PLCH1: variants seen among roughly 807,000 people sequenced by gnomAD.
The protein encoded by PLCH1 is phospholipase C eta 1.
Under a neutral mutation model 126.7 loss-of-function variants are expected in PLCH1, and 60 were observed. That is an observed-to-expected ratio of 0.47 (90% CI 0.38 to 0.59). The LOEUF is 0.59. Among genes scored for constraint, PLCH1 ranks in the 20% least tolerant of loss-of-function variants. PLCH1 has a pLI of 0.00. For missense variants in PLCH1, 1,723 were observed against 2,040.0 expected, an observed-to-expected ratio of 0.84 and a Z score of 2.99; for synonymous variants, 719 against 734.9, an observed-to-expected ratio of 0.98 and a Z score of 0.35.
intron 21 of PLCH1, among the ~76,000 whole-genome samples, chr3:155,461,666 T>G (rs1450009026): frequency 6.6e-6 from 1 of 152,160 alleles, no homozygotes; most frequent in Admixed American, 6.5e-5. Flanking sequence ...TTGAGTCAAT[T>G]CAAAGAGAGT....
intron 2 of PLCH1, among the ~76,000 whole-genome samples, chr3:155,685,288 C>A (rs1744851401): frequency 6.6e-6 from 1 of 152,184 alleles, no homozygotes; most frequent in Non-Finnish European, 1.5e-5. Context: ...TGGCATGTAG[C>A]CTTTTCTCTA....
At chr3:155,544,466 T>C (rs1432964186) in intron 10 of PLCH1, among the ~76,000 whole-genome samples, 2 of 152,134 alleles carry the variant, frequency 1.3e-5, no homozygotes, top group African/African-American at 4.8e-5. Context: ...CTGTCAACAT[T>C]AGACAGATCA....
intron 17 of PLCH1, 151 bp from the exon 18 acceptor site, chr3:155,493,004 T>G: frequency 1.5e-6 from 1 of 668,306 alleles, no homozygotes; most frequent in Non-Finnish European, 2.2e-6. Context: ...TGGTTTTCAT[T>G]AGAAACCATG....
At chr3:155,454,973 G>C (rs145457609) in intron 21 of PLCH1, among the ~76,000 whole-genome samples, 1 of 152,282 alleles carries the variant, frequency 6.6e-6, no homozygotes, top group Non-Finnish European at 1.5e-5. Flanking sequence ...CAAGCACTTT[G>C]GCAAAGAGGT....
intron 10 of PLCH1, among the ~76,000 whole-genome samples, chr3:155,541,534 G>T (rs956767590): frequency 5.9e-5 from 9 of 152,096 alleles, no homozygotes; most frequent in African/African-American, 2.2e-4. Flanking sequence ...GAGAGATGGG[G>T]AATCAGGTGG....
At position 155,693,737 on chromosome 3, in the gene PLCH1, C is replaced by T. The variant is rs181183496; in HGVS notation, c.79+10409G>A. ...CTGGGGTCATGAGTTCGAGACCAGC[C>T]TGGTCAACATGGTGAAACCCCGTCT... On this transcript the variant is annotated intron_variant, in intron 2 of 22. Transcript: ENST00000460012. Among the ~76,000 whole-genome samples the T allele has an allele frequency of 7.6e-4, 116 of 152,222 alleles. 1 individual carries two copies. In the East Asian group the frequency reaches 0.019, roughly 25 times the overall value.
chr3:155,501,344 G>A (rs555919062), intron 13 of PLCH1, among the ~76,000 whole-genome samples: 4 of 152,088 alleles, frequency 2.6e-5, no homozygotes, highest in African/African-American at 9.7e-5. Flanking sequence ...AAAAAAAATT[G>A]CTACCCACAG....
At chr3:155,547,669 AG>A (rs1725542924) in intron 10 of PLCH1, among the ~76,000 whole-genome samples, 1 of 152,176 alleles carries the variant, frequency 6.6e-6, no homozygotes, top group South Asian at 2.1e-4. Flanking sequence ...GACTGGATTA[AG>A]AAAATGTGGC....
intron 13 of PLCH1, among the ~76,000 whole-genome samples, chr3:155,501,731 G>A (rs1159292558): frequency 1.3e-5 from 2 of 151,614 alleles, no homozygotes; most frequent in African/African-American, 4.8e-5. Flanking sequence ...GGAGGTGGAG[G>A]TTGCAGCGAG....
chr3:155,517,529 G>C (rs1157927575), intron 11 of PLCH1, among the ~76,000 whole-genome samples: 1 of 152,006 alleles, frequency 6.6e-6, no homozygotes, highest in East Asian at 1.9e-4. Context: ...CTTGGCTTGT[G>C]GCAGCATCAC....
intron 1 of PLCH1, among the ~76,000 whole-genome samples, chr3:155,735,300 A>G (rs937458208): frequency 9.2e-5 from 14 of 152,168 alleles, no homozygotes; most frequent in East Asian, 1.9e-4. Context: ...ATTGTACAAC[A>G]TGATGACTAT....
chr3:155,639,887 C>G lies in PLCH1; in HGVS notation c.80-43509G>C, dbSNP rs563230043. Among the ~76,000 whole-genome samples the G allele has an allele frequency of 1.7e-3, 183 of 106,576 alleles. 2 individuals carry two copies. The highest frequency in any genetic ancestry group is 0.011 in the African/African-American group (167 of 15,304). The allele number at this position is 106,576 out of a possible 152,430, so 69.9% of individuals were successfully genotyped here. On this transcript the variant is annotated intron_variant, in intron 2 of 22. Coordinates refer to ENST00000460012, the MANE Select transcript of PLCH1 (RefSeq NM_014996.4). ...GATAGTGAGTGAGTTCTCACGAGAT[C>G]TGGTTGTTTAAATATGTGTGGTACC...
chr3:155,456,180 C>T (rs2107968577), intron 21 of PLCH1, among the ~76,000 whole-genome samples: 1 of 152,082 alleles, frequency 6.6e-6, no homozygotes, highest in East Asian at 1.9e-4. Context: ...TATGATACTC[C>T]CCTGAATGTC....
intron 21 of PLCH1, among the ~76,000 whole-genome samples, chr3:155,462,754 C>A (rs1361648359): frequency 3.9e-5 from 6 of 152,182 alleles, no homozygotes; most frequent in African/African-American, 1.4e-4. Context: ...GGTTAAGTCC[C>A]AGCTACTGTT....
intron 2 of PLCH1, among the ~76,000 whole-genome samples, chr3:155,608,534 C>G (rs968297731): frequency 6.6e-6 from 1 of 152,140 alleles, no homozygotes; most frequent in Admixed American, 6.5e-5. Context: ...AGTTTCCCCC[C>G]ACTTCCCTAG....
intron 2 of PLCH1, among the ~76,000 whole-genome samples, chr3:155,670,078 T>C (rs1743252979): frequency 6.6e-6 from 1 of 152,242 alleles, no homozygotes; most frequent in South Asian, 2.1e-4. Context: ...TAGCATTTGA[T>C]ATAAATCAAG....
rs1491520986 is a variant in PLCH1, at chr3:155,741,685, T to TTTTATTTTTTTTTTATTTTTA, written c.-41+3154_-41+3155insTAAAAATAAAAAAAAAATAAA. On this transcript the variant is annotated intron_variant, in intron 1 of 22. Coordinates refer to ENST00000460012, the MANE Select transcript of PLCH1 (RefSeq NM_014996.4). ...CCTTTTATCATAATTTTATATCCTC[T>TTTTATTTTTTTTTTATTTTTA]TTTTTTTTTTTTTTTTTTTGTTCAG... Among the ~76,000 whole-genome samples the TTTTATTTTTTTTTTATTTTTA allele has an allele frequency of 4.5e-4, 26 of 57,354 alleles. 1 individual carries two copies. The South Asian group carries it at 4.9e-3, about 11-fold the overall frequency. 37.6% of individuals were successfully genotyped at this position (57,354 alleles called of 152,430 possible). A position where few individuals can be genotyped will look rare whatever the true frequency, so the allele number is the denominator to read the frequency against.
chr3:155,706,716 G>T (rs570620497), intron 1 of PLCH1, among the ~76,000 whole-genome samples: 1 of 151,920 alleles, frequency 6.6e-6, no homozygotes, highest in Admixed American at 6.6e-5. Flanking sequence ...TCAGTGACTC[G>T]TTTCTAACAA....
At chr3:155,562,936 C>A (rs1727828424) in intron 8 of PLCH1, among the ~76,000 whole-genome samples, 1 of 152,162 alleles carries the variant, frequency 6.6e-6, no homozygotes, top group African/African-American at 2.4e-5. Context: ...TAACCAACTG[C>A]CCACTAACAT....
Sources: gnomAD v4.1 joint callset for allele counts (sites outside exome capture counted in the v4.1 genomes callset) on GRCh38, gnomAD v4.1.1 for gene constraint, MANE v1.5 for transcripts, NCBI Gene and HGNC (gene_info 2026-07-23, HGNC 2026-07-21) for gene names.